Variants in PTPRS observed in about 807,000 individuals in gnomAD.
PTPRS encodes receptor-type tyrosine-protein phosphatase S.
In PTPRS, 63 loss-of-function variants were observed where a neutral mutation model predicts 215.3. The observed-to-expected ratio is 0.29, with a 90% CI of 0.24 to 0.36. The LOEUF (loss-of-function observed/expected upper bound fraction) is 0.36. Ranked by LOEUF, PTPRS falls within the 10% of genes least tolerant of loss-of-function variation. The probability of loss-of-function intolerance (pLI) is 1.00; values close to 1 mark genes in which losing one functional copy is unlikely to be tolerated. For missense variants in PTPRS, 2,258 were observed against 2,825.8 expected, an observed-to-expected ratio of 0.80 and a Z score of 4.56; for synonymous variants, 1,404 against 1,191.4, an observed-to-expected ratio of 1.18 and a Z score of -3.68.
intron 7 of PTPRS, among the ~76,000 whole-genome samples, chr19:5,259,299 C>T (rs534944965): frequency 6.6e-6 from 1 of 152,222 alleles, no homozygotes; most frequent in Non-Finnish European, 1.5e-5. Flanking sequence ...AAAGACTTCA[C>T]TTTCCATGAA....
chr19:5,305,794 G>A lies in PTPRS; in HGVS notation c.-94-19560C>T, dbSNP rs1418937809. Among the ~76,000 whole-genome samples the A allele has an allele frequency of 2.8e-5, 4 of 141,482 alleles. No individual in the cohort carries two copies. The Admixed American group carries it at 2.9e-4, about 10-fold the overall frequency. 92.8% of individuals were successfully genotyped at this position (141,482 alleles called of 152,430 possible). A position where few individuals can be genotyped will look rare whatever the true frequency, so the allele number is the denominator to read the frequency against. ...TTTTTTTAAAGGCAAATTCCAATTAGCCGGGCGTGGTGGCAGGCACCTGTG... is the reference window on the plus strand; with the variant it reads ...TTTTTTTAAAGGCAAATTCCAATTAACCGGGCGTGGTGGCAGGCACCTGTG... On this transcript the variant is annotated intron_variant, in intron 1 of 37. Coordinates refer to ENST00000262963, the MANE Select transcript of PTPRS (RefSeq NM_002850.4).
At chr19:5,337,631 GT>G (rs796606267) in intron 1 of PTPRS, among the ~76,000 whole-genome samples, 4 of 152,300 alleles carry the variant, frequency 2.6e-5, no homozygotes, top group African/African-American at 9.6e-5. Flanking sequence ...CTCCAGACTG[GT>G]ACCAGGTCTG....
At chr19:5,305,745 A>AT (rs1491358759) in intron 1 of PTPRS, among the ~76,000 whole-genome samples, 16 of 60,820 alleles carry the variant, frequency 2.6e-4, no homozygotes, top group African/African-American at 1.2e-3. Flanking sequence ...ATAAATAAAT[A>AT]AATATATATA....
chr19:5,232,832 T>C (rs2043131158), intron 13 of PTPRS, among the ~76,000 whole-genome samples: 1 of 152,182 alleles, frequency 6.6e-6, no homozygotes, highest in African/African-American at 2.4e-5. Context: ...ACACTTACTA[T>C]GTGCCAGGCA....
At chr19:5,290,650 T>C (rs4807712) in intron 1 of PTPRS, among the ~76,000 whole-genome samples, 141,419 of 152,076 alleles carry the variant, frequency 0.93, 65,966 homozygotes, top group African/African-American at 0.98. Context: ...GTAGAGTCCA[T>C]GCTGCCCTGT....
At position 5,225,863 on chromosome 19, in the gene PTPRS, G is replaced by GTCAGCACGACGGCTGGGGC. The variant is rs754983054; in HGVS notation, c.2377-38_2377-20dup. On this transcript the variant is annotated intron_variant, in intron 16 of 37. Transcript: ENST00000262963. ...CCATCTCCTGCAGGCACGGCTGGGGGTCAGCACGACGGCTGGGGCTGGGAG... is the reference window on the plus strand; with the variant it reads ...CCATCTCCTGCAGGCACGGCTGGGGGTCAGCACGACGGCTGGGGCTCAGCACGACGGCTGGGGCTGGGAG... The GTCAGCACGACGGCTGGGGC allele has an allele frequency of 3.7e-6, 6 of 1,603,708 alleles. No homozygotes were observed. In the South Asian group the frequency reaches 6.6e-5, roughly 18 times the overall value.
chr19:5,277,540 C>A (rs867529707), intron 2 of PTPRS, among the ~76,000 whole-genome samples: 2 of 151,634 alleles, frequency 1.3e-5, no homozygotes, highest in Non-Finnish European at 2.9e-5. Flanking sequence ...CCTGTAGTCC[C>A]AGCTACTCGG....
chr19:5,291,666 G>T (rs186035610), intron 1 of PTPRS, among the ~76,000 whole-genome samples: 1 of 152,006 alleles, frequency 6.6e-6, no homozygotes, highest in African/African-American at 2.4e-5. Context: ...TCGCATGCAG[G>T]TCCCCCACCT....
chr19:5,221,370 A>G, intron 19 of PTPRS, 117 bp from the exon 20 acceptor site: 1 of 1,379,634 alleles, frequency 7.2e-7, no homozygotes, highest in South Asian at 1.4e-5. Context: ...ATCCTGCCCT[A>G]GGCAGAAATC....
intron 28 of PTPRS, 51 bp downstream of exon 28, chr19:5,215,238 C>T: frequency 2.5e-6 from 4 of 1,605,674 alleles, no homozygotes; most frequent in South Asian, 2.2e-5. Flanking sequence ...GGATCTAGCA[C>T]TTTCCATGCA....
At chr19:5,331,096 G>C (rs2050308441) in intron 1 of PTPRS, among the ~76,000 whole-genome samples, 1 of 146,568 alleles carries the variant, frequency 6.8e-6, no homozygotes, top group Non-Finnish European at 1.5e-5. Context: ...TCGCTGTCTT[G>C]GGTCTTCAGC....
intron 13 of PTPRS, among the ~76,000 whole-genome samples, chr19:5,238,433 C>G (rs549502832): frequency 3.9e-5 from 6 of 152,282 alleles, no homozygotes; most frequent in Admixed American, 3.9e-4. Flanking sequence ...CCAAGGCTCC[C>G]TGCCCGGGGG....
chr19:5,279,624 G>C (rs971251970), intron 2 of PTPRS, among the ~76,000 whole-genome samples: 2 of 152,096 alleles, frequency 1.3e-5, no homozygotes, highest in Non-Finnish European at 2.9e-5. Flanking sequence ...TCCCATCTCG[G>C]TCTCCCAAAG....
Position 5,258,021 on chromosome 19 carries a change from C to A in PTPRS, c.702G>T (p.Val234=). ...VRYSSPANLY[V]RELREVRRVA... The stretch of plus-strand genomic sequence containing the variant: ...CCTGGACGCGGCGTTCCCTACCTCG[C>A]ACGTAGAGGTTGGCAGGTGAGGAGT... Residue 234 remains valine (V), a synonymous_variant, in exon 8 of 38, where the codon GTG becomes GTT. Coordinates refer to ENST00000262963, the MANE Select transcript of PTPRS (RefSeq NM_002850.4). 6.2e-7 allele frequency: 1 copy of A among 1,613,226 alleles called. No individual in the cohort carries two copies. The highest frequency in any genetic ancestry group is 8.5e-7 in the Non-Finnish European group (1 of 1,179,372).
At chr19:5,271,732 CATTT>C (rs747283629) in intron 4 of PTPRS, among the ~76,000 whole-genome samples, 23 of 150,144 alleles carry the variant, frequency 1.5e-4, no homozygotes, top group Non-Finnish European at 2.4e-4. Context: ...TTCATTCATT[CATTT>C]ATTTTGAGAC....
At chr19:5,263,614 C>T (rs2146350851) in intron 5 of PTPRS, among the ~76,000 whole-genome samples, 1 of 152,318 alleles carries the variant, frequency 6.6e-6, no homozygotes, top group Non-Finnish European at 1.5e-5. Context: ...AAGCCCGGCA[C>T]AACTGAAAAC....
At chr19:5,340,582 C>T (rs754707915) in intron 1 of PTPRS, 82 bp downstream of exon 1, 1 of 151,068 alleles carries the variant, frequency 6.6e-6, no homozygotes, top group African/African-American at 2.4e-5. Context: ...GCTGCCCACT[C>T]GGCTGCCTCC....
At chr19:5,311,528 T>C (rs1268898779) in intron 1 of PTPRS, among the ~76,000 whole-genome samples, 1 of 152,112 alleles carries the variant, frequency 6.6e-6, no homozygotes. Flanking sequence ...GAAGCTTTCC[T>C]TGGGGTCTGA....
At chr19:5,315,325 T>A (rs1479616483) in intron 1 of PTPRS, among the ~76,000 whole-genome samples, 1 of 150,646 alleles carries the variant, frequency 6.6e-6, no homozygotes, top group East Asian at 1.9e-4. Context: ...AATTTTCTTT[T>A]CATGGAGAAT....
Sources: gnomAD v4.1 joint callset for allele counts (sites outside exome capture counted in the v4.1 genomes callset) on GRCh38, gnomAD v4.1.1 for gene constraint, MANE v1.5 for transcripts, NCBI Gene and HGNC (gene_info 2026-07-23, HGNC 2026-07-21) for gene names.